The following ZNF559 variants were observed in gnomAD, a reference collection of about 807,000 sequenced individuals.
ZNF559 encodes zinc finger protein 559, also known as putative protein product of Nbla00121.
A neutral mutation model predicts 14.2 loss-of-function variants in ZNF559; 17 were observed. The observed-to-expected ratio is 1.20, with a 90% CI of 0.82 to 1.80. ZNF559 has a LOEUF of 1.80. Among genes scored for constraint, ZNF559 ranks in the 40% most tolerant of loss-of-function variants. The pLI is 0.00. For missense variants in ZNF559, 740 were observed against 629.7 expected (o/e 1.18, Z -1.88); for synonymous variants, 244 against 212.4 (o/e 1.15, Z -1.29).
Position 9,342,551 on chromosome 19 carries a change from A to C in ZNF559, c.1100A>C (p.His367Pro). ...ECGKAFANSS[H>P]LTVHMRTHTG... ...GGGAAAGCTTTTGCTAACTCTTCAC[A>C]TCTTACTGTACATATGAGAACTCAC... The change falls in exon 7 of 7, where the codon CAT (histidine) becomes CCT (proline). Residue 367 changes from histidine (H) to proline (P), a missense_variant. His to Pro is a moderately conservative substitution (Grantham distance 77). Coordinates refer to ENST00000603380, the MANE Select transcript of ZNF559 (RefSeq NM_032497.3). 1.2e-6 allele frequency: 2 copies of C among 1,614,084 alleles called. No homozygotes were observed. The highest frequency in any genetic ancestry group is 1.7e-6 in the Non-Finnish European group (2 of 1,179,994).
At chr19:9,328,139 AC>A (rs2066729210) in intron 2 of ZNF559, among the ~76,000 whole-genome samples, 1 of 152,092 alleles carries the variant, frequency 6.6e-6, no homozygotes, top group Non-Finnish European at 1.5e-5. Flanking sequence ...TATAATAAAG[AC>A]CTTGACTCCT....
chr19:9,331,042 TC>T (rs1371972236), intron 2 of ZNF559, among the ~76,000 whole-genome samples: 1 of 152,184 alleles, frequency 6.6e-6, no homozygotes, highest in African/African-American at 2.4e-5. Flanking sequence ...GCACACCTTC[TC>T]TTCTCTCTCT....
intron 2 of ZNF559, chr19:9,330,163 G>A (rs1054964638): frequency 1.3e-5 from 2 of 152,108 alleles, no homozygotes; most frequent in African/African-American, 4.8e-5. Context: ...CTCCTGGTTT[G>A]CAAGGTTTCT....
intron 2 of ZNF559, among the ~76,000 whole-genome samples, chr19:9,336,852 A>G (rs1040405891): frequency 2.2e-4 from 33 of 152,332 alleles, no homozygotes; most frequent in African/African-American, 7.2e-4. Context: ...TCTAAATTCA[A>G]TAAGCCATTT....
intron 2 of ZNF559, among the ~76,000 whole-genome samples, chr19:9,335,378 G>T (rs1449859322): frequency 1.3e-5 from 2 of 152,102 alleles, no homozygotes; most frequent in Non-Finnish European, 2.9e-5. Context: ...GGGGTAGGAA[G>T]ATTGCTTGAG....
At chr19:9,324,343 G>A (rs1052984929) in intron 1 of ZNF559, 115 bp downstream of exon 1, 23 of 1,518,946 alleles carry the variant, frequency 1.5e-5, no homozygotes, top group Non-Finnish European at 1.6e-5. Flanking sequence ...GCACTTTCGG[G>A]CATTTCGAGC....
In ZNF559 at chr19:9,341,672, C is replaced by G. The variant is rs374758072; in HGVS notation, c.244-23C>G. 6.9e-6 allele frequency: 11 copies of G among 1,600,804 alleles called. No homozygotes were observed. In the Admixed American group the frequency reaches 1.1e-4, roughly 16 times the overall value. ...AATAAATTTGGAAAACTTCTATGAA[C>G]CATCATTAATTTTCACCAACAGGAG... On this transcript the variant is annotated intron_variant, in intron 6 of 6. Transcript: ENST00000603380.
At chr19:9,337,734 A>G in intron 2 of ZNF559, 62 bp from the exon 3 acceptor site, 1 of 1,228,502 alleles carries the variant, frequency 8.1e-7, no homozygotes, top group South Asian at 1.7e-5. Context: ...ATTTGTTATT[A>G]TTTATGTCCA....
intron 6 of ZNF559, 184 bp downstream of exon 6, chr19:9,341,368 A>G (rs780155763): frequency 7.8e-5 from 59 of 759,512 alleles, no homozygotes; most frequent in South Asian, 7.7e-4. Flanking sequence ...CATCCCTCAG[A>G]ATATATTTGT....
At chr19:9,329,474 A>G (rs2066822120) in intron 2 of ZNF559, among the ~76,000 whole-genome samples, 1 of 152,168 alleles carries the variant, frequency 6.6e-6, no homozygotes, top group South Asian at 2.1e-4. Context: ...AAATTGGTCC[A>G]TTTATTATAT....
In ZNF559 at chr19:9,342,464, C is replaced by G. The variant is rs1159487725; in HGVS notation, c.1013C>G (p.Ser338Ter). Reference sequence around the variant, plus strand: ...TGTGGGAAAGCCTTCACTGATTCATCAGGTCTTATAAAACACAGGCGAACT... The same window carrying G: ...TGTGGGAAAGCCTTCACTGATTCATGAGGTCTTATAAAACACAGGCGAACT... ...NKCGKAFTDS[S>*]GLIKHRRTHT... The change falls in exon 7 of 7, where the codon TCA (serine) becomes TGA (stop). Residue 338 changes from serine (S) to a stop codon, truncating the protein, a stop_gained. Coordinates refer to ENST00000603380, the MANE Select transcript of ZNF559 (RefSeq NM_032497.3). LOFTEE classifies it low-confidence loss of function (END_TRUNC). 3 of 1,614,190 alleles carry G rather than the reference C, an allele frequency of 1.9e-6. No individual in the cohort carries two copies. The South Asian group carries it at 3.3e-5, about 18-fold the overall frequency.
rs954234990 is a variant in ZNF559 at position 9,339,248 on chromosome 19, T to C, written c.89T>C (p.Leu30Ser). The C allele has an allele frequency of 1.9e-6, 3 of 1,614,028 alleles. No individual in the cohort carries two copies. Among genetic ancestry groups the C allele is most frequent in the South Asian group, 1.1e-5 (1 of 91,074 alleles). ...GACTTCACCCAGGAGGAGTGGACTT[T>C]GCTGGATCAAACTCAGAGAAACTTA... The part of the protein sequence containing the change: ...AVDFTQEEWT[L>S]LDQTQRNLYR... Residue 30 changes from leucine (L) to serine (S), a missense_variant, in exon 5 of 7, where the codon TTG becomes TCG. Leu to Ser is a moderately radical substitution (Grantham distance 145). Transcript: ENST00000603380.
chr19:9,342,407 A>G lies in ZNF559; in HGVS notation c.956A>G (p.His319Arg), dbSNP rs201145580. Residue 319 changes from histidine to arginine, a missense_variant, in exon 7 of 7, where the codon CAC (histidine) becomes CGC (arginine). His to Arg is a conservative substitution (Grantham distance 29). Transcript: ENST00000603380. ...FSKLNIHIRV[H>R]TGEKPYECNK... ...AAACTCAACATTCACATAAGGGTTC[A>G]CACTGGAGAAAAACCGTATGAGTGC... is the stretch of plus-strand genomic sequence containing the variant. 237 of 1,614,120 alleles carry G rather than the reference A, an allele frequency of 1.5e-4. No individual in the cohort carries two copies. In the Middle Eastern group the frequency reaches 1.5e-3, roughly 10 times the overall value.
chr19:9,340,061 C>T lies in ZNF559; in HGVS notation c.160+742C>T, dbSNP rs147905640. On this transcript the variant is annotated intron_variant, in intron 5 of 6. Transcript: ENST00000603380. ...TCGGCCTCCCAAAGTGCTCGGATTA[C>T]GGCATGAGCCACTGTGCCCAGCCAT... Among the ~76,000 whole-genome samples, 83 of 150,282 alleles carry T rather than the reference C, an allele frequency of 5.5e-4. 2 individuals are homozygous for T. The East Asian group carries it at 0.014, about 26-fold the overall frequency.
chr19:9,331,316 T>C (rs903629785), intron 2 of ZNF559, among the ~76,000 whole-genome samples: 3 of 152,190 alleles, frequency 2.0e-5, no homozygotes, highest in South Asian at 2.1e-4. Flanking sequence ...TCAGGTGGGA[T>C]GCAAGTGATT....
chr19:9,342,112 A>G lies in ZNF559; in HGVS notation c.661A>G (p.Thr221Ala). The G allele has an allele frequency of 6.2e-7, 1 of 1,613,574 alleles. No homozygotes were observed. Among genetic ancestry groups the G allele is most frequent in the Admixed American group, 1.7e-5 (1 of 59,864 alleles). The change falls in exon 7 of 7, where the codon ACC (threonine) becomes GCC (alanine). Residue 221 changes from threonine (T) to alanine (A), a missense_variant. Coordinates refer to ENST00000603380, the MANE Select transcript of ZNF559 (RefSeq NM_032497.3). ...RPYTHKEYVE[T>A]FSHSTALFVH... ...ATATACTCATAAGGAGTATGTCGAA[A>G]CCTTTTCTCATTCTACAGCCCTTTT...
At chr19:9,334,573 C>A (rs2067123816) in intron 2 of ZNF559, among the ~76,000 whole-genome samples, 1 of 152,114 alleles carries the variant, frequency 6.6e-6, no homozygotes, top group Non-Finnish European at 1.5e-5. Flanking sequence ...AGAATAGTTT[C>A]CATTTGCGAA....
intron 2 of ZNF559, among the ~76,000 whole-genome samples, chr19:9,327,013 G>T (rs1436602899): frequency 6.6e-6 from 1 of 152,126 alleles, no homozygotes; most frequent in Non-Finnish European, 1.5e-5. Context: ...AGACTGGCCA[G>T]ATCCAAGGCT....
In ZNF559 at chr19:9,324,193, C is replaced by T. The variant is rs1311657477; in HGVS notation, c.-241C>T. The T allele has an allele frequency of 7.8e-6, 12 of 1,535,950 alleles. No homozygotes were observed. The highest frequency in any genetic ancestry group is 9.6e-6 in the Non-Finnish European group (11 of 1,146,884). On this transcript the variant is annotated 5_prime_UTR_variant, in exon 1 of 7. Coordinates refer to ENST00000603380, the MANE Select transcript of ZNF559 (RefSeq NM_032497.3). ...TGCGTGGGCGCATGCGCATAACGGC[C>T]GCCATCTTAACAGCGCGTTCCCGTT...
Sources: allele counts gnomAD v4.1 joint callset (sites outside exome capture counted in the v4.1 genomes callset), GRCh38; gene constraint gnomAD v4.1.1; transcripts MANE v1.5; gene names NCBI Gene and HGNC (gene_info 2026-07-23, HGNC 2026-07-21).